ZNF654: variants seen among roughly 807,000 people sequenced by gnomAD.
ZNF654 encodes the protein melanoma-associated antigen.
ZNF654 carries 19 observed loss-of-function variants against 95.3 expected under a neutral mutation model. The observed-to-expected ratio is 0.20, with a 90% CI of 0.14 to 0.29. The LOEUF (loss-of-function observed/expected upper bound fraction) is 0.29, where lower values mean the gene tolerates loss of function less well. ZNF654 is among the 10% of genes least tolerant of loss of function. ZNF654 has a pLI of 1.00. For missense variants in ZNF654, 1,046 were observed against 1,341.0 expected, an observed-to-expected ratio of 0.78 and a Z score of 3.44; for synonymous variants, 413 against 457.9, an observed-to-expected ratio of 0.90 and a Z score of 1.25.
chr3:88,143,179 C>T lies in ZNF654; in HGVS notation c.*1527C>T, dbSNP rs1457454749. ...GTGGGGAATTTCTTCCAGGTAGCAT[C>T]CATATTTTATTAAATTAGGATTTCC... On this transcript the variant is annotated 3_prime_UTR_variant, in exon 9 of 9. Transcript: ENST00000636215. The T allele has an allele frequency of 6.6e-6, 1 of 152,086 alleles. No individual in the cohort carries two copies. Among genetic ancestry groups the T allele is most frequent in the Non-Finnish European group, 1.5e-5 (1 of 67,700 alleles). 9.4% of individuals were successfully genotyped at this position (152,086 alleles called of 1,614,324 possible).
At position 88,064,317 on chromosome 3, in the gene ZNF654, GTCTCACTATTGA is replaced by G. The variant is rs569752293; in HGVS notation, c.186+4825_186+4836del. 2.3e-3 allele frequency among the ~76,000 whole-genome samples: 344 copies of G among 152,192 alleles called. 2 individuals are homozygous for G. The highest frequency in any genetic ancestry group is 3.7e-3 in the Non-Finnish European group (253 of 67,998). On this transcript the variant is annotated intron_variant, in intron 1 of 8. Transcript: ENST00000636215. ...GGAAGGAGATAGGGACTATCTTACT[GTCTCACTATTGA>G]TCTCACTATTGAGCATGTTCACTAT...
At chr3:88,137,701 A>G (rs1392597883) in intron 7 of ZNF654, among the ~76,000 whole-genome samples, 1 of 152,188 alleles carries the variant, frequency 6.6e-6, no homozygotes, top group Non-Finnish European at 1.5e-5. Context: ...TTCTCAAAGA[A>G]TGAATAGGAG....
intron 2 of ZNF654, among the ~76,000 whole-genome samples, chr3:88,099,312 C>T (rs181099723): frequency 3.9e-5 from 6 of 152,314 alleles, no homozygotes; most frequent in Admixed American, 3.9e-4. Flanking sequence ...CTGCAAATCA[C>T]TGCTCAACAA....
At chr3:88,071,628 T>A (rs1480809221) in intron 1 of ZNF654, among the ~76,000 whole-genome samples, 1 of 103,428 alleles carries the variant, frequency 9.7e-6, no homozygotes, top group Non-Finnish European at 2.0e-5. Flanking sequence ...AGAGCGAGAC[T>A]CCATCTCAAA....
intron 2 of ZNF654, among the ~76,000 whole-genome samples, chr3:88,087,535 A>G (rs949675784): frequency 4.6e-5 from 7 of 152,252 alleles, no homozygotes; most frequent in Non-Finnish European, 1.0e-4. Context: ...AAAGATTATC[A>G]GTGAATGAAC....
chr3:88,129,316 A>C (rs1266236041), intron 5 of ZNF654, among the ~76,000 whole-genome samples: 1 of 121,344 alleles, frequency 8.2e-6, no homozygotes, highest in East Asian at 2.5e-4. Context: ...ACAGCTTGCC[A>C]GGAGTAAAAA....
chr3:88,105,033 G>A (rs974265469), intron 2 of ZNF654, among the ~76,000 whole-genome samples: 2 of 152,110 alleles, frequency 1.3e-5, no homozygotes, highest in African/African-American at 2.4e-5. Context: ...CCAGCTACTC[G>A]GGAGACTGAG....
At chr3:88,125,937 C>T (rs1379789971) in intron 3 of ZNF654, among the ~76,000 whole-genome samples, 197 bp from the exon 4 acceptor site, 1 of 152,148 alleles carries the variant, frequency 6.6e-6, no homozygotes, top group Admixed American at 6.5e-5. Flanking sequence ...ACAGATACTG[C>T]TGTATAACCT....
At chr3:88,072,449 A>C (rs1294526884) in intron 1 of ZNF654, among the ~76,000 whole-genome samples, 1 of 152,226 alleles carries the variant, frequency 6.6e-6, no homozygotes. Context: ...TAGCTCTGTG[A>C]CTTTTTCTTT....
At position 88,106,165 on chromosome 3, in the gene ZNF654, A is replaced by G. The variant is rs957792436; in HGVS notation, c.333-6950A>G. 5.9e-5 allele frequency among the ~76,000 whole-genome samples: 9 copies of G among 152,212 alleles called. No homozygotes were observed. In the East Asian group the frequency reaches 1.3e-3, roughly 23 times the overall value. ...GTCTCAGGTACTCTGTTACAGCTGT[A>G]CAATGGACTAAGATGTTCTTGAAGC... On this transcript the variant is annotated intron_variant, in intron 2 of 8. Transcript: ENST00000636215.
chr3:88,139,976 C>T lies in ZNF654; in HGVS notation c.2307C>T (p.Thr769=), dbSNP rs1164275792. Residue 769 remains threonine (T), a synonymous_variant, in exon 8 of 9, where the codon ACC becomes ACT. Transcript: ENST00000636215. Reference sequence around the variant, plus strand: ...GGTTTCTAAATAAACATGCAATGACCGTACATCCAACCGATTTAAATGTGC... The same window carrying T: ...GGTTTCTAAATAAACATGCAATGACTGTACATCCAACCGATTTAAATGTGC... ...RIGFLNKHAM[T]VHPTDLNVRQ... 5.0e-6 allele frequency: 8 copies of T among 1,613,658 alleles called. No individual in the cohort carries two copies. The highest frequency in any genetic ancestry group is 4.4e-5 in the South Asian group (4 of 91,062).
intron 6 of ZNF654, among the ~76,000 whole-genome samples, chr3:88,133,586 A>G (rs1359215749): frequency 2.0e-5 from 3 of 147,672 alleles, no homozygotes; most frequent in Non-Finnish European, 4.5e-5. Context: ...TACTTTCCAA[A>G]TATAGCAGTC....
chr3:88,090,099 T>A (rs1157680977), intron 2 of ZNF654, among the ~76,000 whole-genome samples: 5 of 152,230 alleles, frequency 3.3e-5, no homozygotes, highest in African/African-American at 1.2e-4. Context: ...TATTATTGAT[T>A]TATGTACATG....
In ZNF654 at chr3:88,142,146, A is replaced by G. The variant is rs1707163259; in HGVS notation, c.*494A>G. 1 of 152,528 alleles carries G rather than the reference A, an allele frequency of 6.6e-6. No individual in the cohort carries two copies. Among genetic ancestry groups the G allele is most frequent in the African/African-American group, 2.4e-5 (1 of 41,424 alleles). 9.4% of individuals were successfully genotyped at this position (152,528 alleles called of 1,614,324 possible). On this transcript the variant is annotated 3_prime_UTR_variant, in exon 9 of 9. Transcript: ENST00000636215. ...CTTCTGGTTAAACATGGTTTAAGGA[A>G]CCGCTGCTGTTTGGTTTGTGATTGA... is the stretch of plus-strand genomic sequence containing the variant.
chr3:88,139,923 G>C lies in ZNF654; in HGVS notation c.2254G>C (p.Gly752Arg), dbSNP rs1220375941. Reference protein sequence around the residue: ...QEGNFKCPALGCVRIFKRIGF... With the variant: ...QEGNFKCPALRCVRIFKRIGF... ...AGGAAACTTTAAGTGTCCTGCTCTT[G>C]GTTGTGTCCGGATATTTAAAAGAAT... is the stretch of plus-strand genomic sequence containing the variant. The change falls in exon 8 of 9, where the codon GGT becomes CGT. Residue 752 changes from glycine (G) to arginine (R), a missense_variant. This residue lies in a region of ZNF654 where 495 missense variants were observed against 537.0 expected (regional missense o/e 0.92). Coordinates refer to ENST00000636215, the MANE Select transcript of ZNF654 (RefSeq NM_001350134.2). 1 of 1,613,534 alleles carries C rather than the reference G, an allele frequency of 6.2e-7. No homozygotes were observed. The highest frequency in any genetic ancestry group is 8.5e-7 in the Non-Finnish European group (1 of 1,179,716).
intron 2 of ZNF654, among the ~76,000 whole-genome samples, chr3:88,090,927 C>G (rs1490797023): frequency 6.6e-6 from 1 of 152,222 alleles, no homozygotes; most frequent in African/African-American, 2.4e-5. Flanking sequence ...TGTTGGGCCT[C>G]ATTCAAAGCC....
intron 1 of ZNF654, among the ~76,000 whole-genome samples, chr3:88,083,501 C>T (rs1371814433): frequency 6.6e-6 from 1 of 152,120 alleles, no homozygotes; most frequent in East Asian, 1.9e-4. Context: ...TCTTCAATTC[C>T]CTTTATATCA....
At chr3:88,071,728 C>T (rs1382057273) in intron 1 of ZNF654, among the ~76,000 whole-genome samples, 5 of 151,420 alleles carry the variant, frequency 3.3e-5, no homozygotes, top group Non-Finnish European at 7.4e-5. Context: ...CACTTGAACC[C>T]GGGAGGCAGA....
intron 3 of ZNF654, among the ~76,000 whole-genome samples, chr3:88,116,561 T>TACACACACAC (rs61470020): frequency 4.6e-4 from 70 of 151,032 alleles, no homozygotes; most frequent in Non-Finnish European, 6.6e-4. Flanking sequence ...TACATATATA[T>TACACACACAC]ACACACACAC....
Sources: gnomAD v4.1 joint callset for allele counts (sites outside exome capture counted in the v4.1 genomes callset) on GRCh38, gnomAD v4.1.1 for gene constraint, gnomAD v4.1.1 regional missense constraint, MANE v1.5 for transcripts, NCBI Gene and HGNC (gene_info 2026-07-23, HGNC 2026-07-21) for gene names.